MYO9B: variants seen among roughly 807,000 people sequenced by gnomAD.
MYO9B encodes the protein myosin IXB.
A neutral mutation model predicts 229.5 loss-of-function variants in MYO9B; 71 were observed. The ratio of observed to expected loss-of-function variants is 0.31; its 90% CI spans 0.26 to 0.38. The LOEUF (loss-of-function observed/expected upper bound fraction) is 0.38. MYO9B is among the 10% of genes least tolerant of loss of function. The pLI, the probability that MYO9B is intolerant of heterozygous loss-of-function variation, is 1.00. For synonymous variants in MYO9B, 1,185 were observed against 1,235.8 expected (o/e 0.96, Z 0.86); for missense variants, 2,255 against 2,920.5 (o/e 0.77, Z 5.25).
At chr19:17,211,212 C>T (rs1599432848) in intron 38 of MYO9B, among the ~76,000 whole-genome samples, 2 of 152,014 alleles carry the variant, frequency 1.3e-5, no homozygotes, top group South Asian at 4.1e-4. Flanking sequence ...AACTCCTGAC[C>T]TCAAGTGATC....
At chr19:17,128,526 G>A (rs781129717) in intron 2 of MYO9B, among the ~76,000 whole-genome samples, 1 of 152,184 alleles carries the variant, frequency 6.6e-6, no homozygotes, top group Non-Finnish European at 1.5e-5. Flanking sequence ...AGAACCCCCC[G>A]GTCCCTCAGG....
Position 17,194,692 on chromosome 19 carries a change from G to A in MYO9B, c.3265G>A (p.Glu1089Lys). 2.5e-6 allele frequency: 4 copies of A among 1,612,900 alleles called. No individual in the cohort carries two copies. The highest frequency in any genetic ancestry group is 2.2e-5 in the East Asian group (1 of 44,884). Residue 1089 changes from glutamate to lysine, a missense_variant, in exon 22 of 40, where the codon GAG (glutamate) becomes AAG (lysine). Coordinates refer to ENST00000682292, the MANE Select transcript of MYO9B (RefSeq NM_004145.4). ...GCAGCAGGTAGCTGAGCAGGGGCCG[G>A]AGCCAGCGGAGGATGGCGGGCACCT... ...GGQQVAEQGP[E>K]PAEDGGHLAS...
rs1322903057 is a variant in MYO9B, at chr19:17,200,369, A to G, written c.4315A>G (p.Asn1439Asp). ...YSLEGAEELE[N>D]AVSGHVVLEA... The stretch of plus-strand genomic sequence containing the variant: ...CCTGGAGGGCGCAGAGGAGCTGGAG[A>G]ATGCAGTGTCCGGGCACGTGGTGCT... The change falls in exon 25 of 40, where the codon AAT becomes GAT. Residue 1439 changes from asparagine to aspartate, a missense_variant. By Grantham distance (23) the Asn-to-Asp change is conservative. Transcript: ENST00000682292. 6.2e-7 allele frequency: 1 copy of G among 1,608,266 alleles called. No individual in the cohort carries two copies. The highest frequency in any genetic ancestry group is 8.5e-7 in the Non-Finnish European group (1 of 1,177,068).
At chr19:17,174,705 T>G (rs570967984) in intron 13 of MYO9B, among the ~76,000 whole-genome samples, 1 of 151,886 alleles carries the variant, frequency 6.6e-6, no homozygotes, top group Admixed American at 6.6e-5. Context: ...GAGACCGAGG[T>G]GGGTGGACCA....
chr19:17,162,590 C>A, intron 9 of MYO9B, 124 bp downstream of exon 9: 1 of 828,448 alleles, frequency 1.2e-6, no homozygotes, highest in Non-Finnish European at 1.9e-6. Flanking sequence ...GGCTGTTTCC[C>A]CACAAGGACA....
chr19:17,084,480 T>C (rs1179333789), intron 1 of MYO9B, among the ~76,000 whole-genome samples: 1 of 152,050 alleles, frequency 6.6e-6, no homozygotes, highest in East Asian at 1.9e-4. Context: ...CTCTCTGTGG[T>C]GGGACCCTGA....
At chr19:17,113,612 C>T (rs1180821504) in intron 2 of MYO9B, among the ~76,000 whole-genome samples, 1 of 152,074 alleles carries the variant, frequency 6.6e-6, no homozygotes. Context: ...TGGCCCTGAC[C>T]GCAAGCTACT....
At chr19:17,181,380 C>T (rs1183068724) in intron 15 of MYO9B, among the ~76,000 whole-genome samples, 1 of 152,214 alleles carries the variant, frequency 6.6e-6, no homozygotes, top group East Asian at 1.9e-4. Context: ...CCGCCTTTGC[C>T]ACTGTGAGTT....
chr19:17,195,308 C>T lies in MYO9B; in HGVS notation c.3881C>T (p.Ser1294Phe). Residue 1294 changes from serine to phenylalanine, a missense_variant, in exon 22 of 40, where the codon TCC (serine) becomes TTC (phenylalanine). Ser to Phe is a radical substitution (Grantham distance 155). Coordinates refer to ENST00000682292, the MANE Select transcript of MYO9B (RefSeq NM_004145.4). This position sits in a 1 kb window ranked among gnomAD's most constrained non-coding sequence, Gnocchi z 4.5. ...VQEKPDSPGG[S>F]TQIQRYLDAE... ...GAAAAGCCCGACAGCCCCGGAGGCT[C>T]CACGCAGATCCAGCGGTACCTGGAC... The T allele has an allele frequency of 6.2e-7, 1 of 1,612,580 alleles. No individual in the cohort carries two copies. Among genetic ancestry groups the T allele is most frequent in the Non-Finnish European group, 8.5e-7 (1 of 1,179,746 alleles).
intron 2 of MYO9B, among the ~76,000 whole-genome samples, chr19:17,121,547 G>A (rs913981622): frequency 2.0e-5 from 3 of 151,988 alleles, no homozygotes; most frequent in Admixed American, 6.6e-5. Context: ...GGCCCCAAAA[G>A]GCATCCCCCA....
At chr19:17,129,533 G>A (rs1479555996) in intron 2 of MYO9B, among the ~76,000 whole-genome samples, 1 of 152,242 alleles carries the variant, frequency 6.6e-6, no homozygotes, top group African/African-American at 2.4e-5. Flanking sequence ...GTAACCAAAC[G>A]TGTCAGGGCA....
At chr19:17,175,882 G>C (rs2072782453) in intron 14 of MYO9B, 141 bp downstream of exon 14, 1 of 658,992 alleles carries the variant, frequency 1.5e-6, no homozygotes, top group Admixed American at 3.2e-5. Context: ...GCCCAGGCTG[G>C]AGTGCAATGG....
chr19:17,133,194 A>G (rs2072224316), intron 2 of MYO9B, among the ~76,000 whole-genome samples: 1 of 152,184 alleles, frequency 6.6e-6, no homozygotes, highest in Non-Finnish European at 1.5e-5. Flanking sequence ...GATGTGCAAC[A>G]TGACATTTTG....
At chr19:17,147,369 CG>C (rs1382476539) in intron 3 of MYO9B, among the ~76,000 whole-genome samples, 1 of 151,860 alleles carries the variant, frequency 6.6e-6, no homozygotes, top group Non-Finnish European at 1.5e-5. Flanking sequence ...GTGGTGAAAC[CG>C]CCATCTCTAC....
At chr19:17,176,698 T>C (rs762325221) in intron 14 of MYO9B, among the ~76,000 whole-genome samples, 13 of 152,150 alleles carry the variant, frequency 8.5e-5, no homozygotes, top group Non-Finnish European at 1.6e-4. Flanking sequence ...TCGATGGTGG[T>C]GCGGAGAGAC....
chr19:17,125,392 TC>T (rs1160403078), intron 2 of MYO9B, among the ~76,000 whole-genome samples: 1 of 148,478 alleles, frequency 6.7e-6, no homozygotes, highest in Middle Eastern at 3.2e-3. Context: ...AACAGGACCT[TC>T]CCCCATCAAA....
intron 19 of MYO9B, among the ~76,000 whole-genome samples, chr19:17,188,449 A>C (rs2072944171): frequency 1.7e-5 from 1 of 58,878 alleles, no homozygotes; most frequent in Non-Finnish European, 3.0e-5. Context: ...AAAAAAAAAA[A>C]AGAAGAAACC....
At chr19:17,126,128 C>T (rs2058015814) in intron 2 of MYO9B, among the ~76,000 whole-genome samples, 1 of 152,228 alleles carries the variant, frequency 6.6e-6, no homozygotes, top group South Asian at 2.1e-4. Flanking sequence ...GCCTTCACCA[C>T]AGCTCTGAGC....
intron 19 of MYO9B, among the ~76,000 whole-genome samples, chr19:17,190,681 C>CG (rs2072974807): frequency 6.7e-6 from 1 of 149,710 alleles, no homozygotes; most frequent in African/African-American, 2.5e-5. Context: ...TTTCTTAAGA[C>CG]GGAGTCTCTC....
Sources: gnomAD v4.1 joint callset for allele counts (sites outside exome capture counted in the v4.1 genomes callset) on GRCh38, gnomAD v4.1.1 for gene constraint, Gnocchi (gnomAD v3.1) non-coding constraint, MANE v1.5 for transcripts, NCBI Gene and HGNC (gene_info 2026-07-23, HGNC 2026-07-21) for gene names.